SGCG: variants seen among roughly 807,000 people sequenced by gnomAD.
The protein encoded by SGCG is gamma-sarcoglycan.
SGCG carries 26 observed loss-of-function variants against 29.3 expected under a neutral mutation model. The ratio of observed to expected loss-of-function variants is 0.89; its 90% CI spans 0.65 to 1.23. The LOEUF (loss-of-function observed/expected upper bound fraction) is 1.23. Ranked by LOEUF, SGCG falls within the 50% of genes most tolerant of loss-of-function variation. SGCG has a pLI of 0.00. For synonymous variants in SGCG, 145 were observed against 129.7 expected (o/e 1.12, Z -0.80); for missense variants, 353 against 356.0 (o/e 0.99, Z 0.07).
intron 1 of SGCG, among the ~76,000 whole-genome samples, chr13:23,183,824 T>C (rs1402693079): frequency 6.6e-6 from 1 of 152,158 alleles, no homozygotes; most frequent in African/African-American, 2.4e-5. Flanking sequence ...TATGCCACCA[T>C]GCCCAGCTAA....
intron 4 of SGCG, among the ~76,000 whole-genome samples, chr13:23,254,621 CACTT>C (rs1267744795): frequency 6.6e-6 from 1 of 152,182 alleles, no homozygotes; most frequent in Non-Finnish European, 1.5e-5. Context: ...ACAGAGCAAT[CACTT>C]ACTAGAGAGC....
chr13:23,279,435 T>A lies in SGCG; in HGVS notation c.462T>A (p.Asp154Glu), dbSNP rs1203173562. 1.2e-6 allele frequency: 2 copies of A among 1,613,372 alleles called. No individual in the cohort carries two copies. The highest frequency in any genetic ancestry group is 1.1e-5 in the South Asian group (1 of 91,058). The change falls in exon 5 of 8, where the codon GAT (aspartate) becomes GAA (glutamate). Residue 154 changes from aspartate (D) to glutamate (E), a missense_variant. Transcript: ENST00000218867. ...ACGGCAAGCCACTATTTACTGTAGATGAGAAGGAAGTTGTGGTTGGTACAG... is the reference window on the plus strand; with the variant it reads ...ACGGCAAGCCACTATTTACTGTAGAAGAGAAGGAAGTTGTGGTTGGTACAG... ...SNDGKPLFTVDEKEVVVGTDK... is the reference protein window; with the variant it reads ...SNDGKPLFTVEEKEVVVGTDK...
chr13:23,276,305 C>A (rs770468113), intron 4 of SGCG, among the ~76,000 whole-genome samples: 2 of 151,820 alleles, frequency 1.3e-5, no homozygotes, highest in Non-Finnish European at 2.9e-5. Flanking sequence ...CATGCAGGGT[C>A]TATTTTTAAT....
At chr13:23,192,174 C>CTAA (rs1877295417) in intron 1 of SGCG, among the ~76,000 whole-genome samples, 24 of 112,774 alleles carry the variant, frequency 2.1e-4, no homozygotes, top group South Asian at 7.8e-4. Context: ...GACTGCGTCC[C>CTAA]AAAAAAAAAA....
chr13:23,299,452 ATATATT>A (rs1882056814), intron 6 of SGCG, among the ~76,000 whole-genome samples: 2 of 43,430 alleles, frequency 4.6e-5, no homozygotes, highest in African/African-American at 1.5e-4. Context: ...ATATATATAT[ATATATT>A]TTTTTTTTTT....
chr13:23,206,987 C>T (rs1006849100), intron 2 of SGCG, among the ~76,000 whole-genome samples: 1 of 152,070 alleles, frequency 6.6e-6, no homozygotes, highest in African/African-American at 2.4e-5. Flanking sequence ...CATGTGGAAC[C>T]ACAAAAGACC....
At position 23,325,147 on chromosome 13, in the gene SGCG, A is replaced by T. The variant is rs1883188832; in HGVS notation, c.*606A>T. The T allele has an allele frequency of 6.5e-6, 1 of 154,904 alleles. No homozygotes were observed. The highest frequency in any genetic ancestry group is 2.4e-5 in the African/African-American group (1 of 41,452). The allele number at this position is 154,904 out of a possible 1,614,324, so 9.6% of individuals were successfully genotyped here. ...CTGTATATAGTCAATAAGCAATAAA[A>T]ACCTCATTTTTCAGAGTTCACAGTT... is the stretch of plus-strand genomic sequence containing the variant. On this transcript the variant is annotated 3_prime_UTR_variant, in exon 8 of 8. Transcript: ENST00000218867.
upstream of SGCG, among the ~76,000 whole-genome samples, chr13:23,177,876 GC>G (rs1290048596): frequency 3.3e-5 from 5 of 152,068 alleles, no homozygotes; most frequent in Non-Finnish European, 7.3e-5. Context: ...ACCACGCCCG[GC>G]CTGTGAGCAG....
chr13:23,185,232 C>T (rs1876922662), intron 1 of SGCG, among the ~76,000 whole-genome samples: 1 of 152,170 alleles, frequency 6.6e-6, no homozygotes, highest in Non-Finnish European at 1.5e-5. Flanking sequence ...CATACCTGAT[C>T]ACAGGCTGGA....
chr13:23,189,330 C>G (rs137947924), intron 1 of SGCG, among the ~76,000 whole-genome samples: 1 of 152,148 alleles, frequency 6.6e-6, no homozygotes, highest in Non-Finnish European at 1.5e-5. Flanking sequence ...GTGCATGCCA[C>G]CACGCCTGGC....
chr13:23,165,652 G>A, the SGCG span, among the ~76,000 whole-genome samples: 6 of 152,160 alleles, frequency 3.9e-5, no homozygotes, highest in South Asian at 6.2e-4. Flanking sequence ...AGCCTCCTGA[G>A]TAGGTAGGAT....
chr13:23,314,402 A>ATATATATATATATATATATATATG (rs1566044506), intron 6 of SGCG, among the ~76,000 whole-genome samples: 3 of 130,158 alleles, frequency 2.3e-5, no homozygotes, highest in Admixed American at 1.6e-4. Flanking sequence ...ATATATATAT[A>ATATATATATATATATATATATATG]TATATAATCT....
At chr13:23,177,504 T>C (rs1259755565), upstream of SGCG, among the ~76,000 whole-genome samples, 1 of 151,710 alleles carries the variant, frequency 6.6e-6, no homozygotes, top group East Asian at 1.9e-4. Context: ...CCAGTAAATA[T>C]ATACAATTAA....
chr13:23,220,207 C>T (rs1191376607), intron 2 of SGCG, among the ~76,000 whole-genome samples: 1 of 151,926 alleles, frequency 6.6e-6, no homozygotes, highest in East Asian at 2.0e-4. Flanking sequence ...AATCCCAGCA[C>T]TTTGGGAGGC....
At chr13:23,273,697 G>A (rs1880953876) in intron 4 of SGCG, among the ~76,000 whole-genome samples, 1 of 152,178 alleles carries the variant, frequency 6.6e-6, no homozygotes, top group Admixed American at 6.5e-5. Context: ...ATTTGTGTCA[G>A]CAAATTCTAG....
chr13:23,268,606 G>C (rs1251035109), intron 4 of SGCG: 1 of 152,478 alleles, frequency 6.6e-6, no homozygotes, highest in Non-Finnish European at 1.5e-5. Context: ...CAGTCCTGAG[G>C]AGGAGGGAGA....
chr13:23,172,003 G>T, the SGCG span, among the ~76,000 whole-genome samples: 1 of 152,190 alleles, frequency 6.6e-6, no homozygotes, highest in African/African-American at 2.4e-5. Flanking sequence ...ATAATTGAAA[G>T]GAGTCAGGTT....
chr13:23,209,780 G>A (rs1878123078), intron 2 of SGCG, among the ~76,000 whole-genome samples: 1 of 152,110 alleles, frequency 6.6e-6, no homozygotes, highest in Admixed American at 6.5e-5. Flanking sequence ...AGATGGGTGA[G>A]GTGTATTAAA....
intron 1 of SGCG, among the ~76,000 whole-genome samples, chr13:23,192,503 C>G (rs1271074021): frequency 6.6e-6 from 1 of 152,128 alleles, no homozygotes; most frequent in East Asian, 1.9e-4. Flanking sequence ...AAATGATTCC[C>G]CTGCCTCAGC....
Sources: allele counts gnomAD v4.1 joint callset (sites outside exome capture counted in the v4.1 genomes callset), GRCh38; gene constraint gnomAD v4.1.1; transcripts MANE v1.5; gene names NCBI Gene and HGNC (gene_info 2026-07-23, HGNC 2026-07-21).